The following ANK3 variants were observed in gnomAD, a reference collection of about 807,000 sequenced individuals.
The protein encoded by ANK3 is ankyrin-3.
ANK3 carries 57 observed loss-of-function variants against 370.9 expected under a neutral mutation model. The observed-to-expected ratio is 0.15, with a 90% CI of 0.12 to 0.19. The LOEUF is 0.19. ANK3 is among the 10% of genes least tolerant of loss of function. ANK3 has a pLI of 1.00. For synonymous variants in ANK3, 1,929 were observed against 1,946.3 expected, an observed-to-expected ratio of 0.99 and a Z score of 0.23; for missense variants, 4,439 against 5,302.1, an observed-to-expected ratio of 0.84 and a Z score of 5.06.
chr10:60,269,164 G>A (rs1431809331), intron 5 of ANK3, among the ~76,000 whole-genome samples: 1 of 152,106 alleles, frequency 6.6e-6, no homozygotes, highest in Admixed American at 6.5e-5. Context: ...TTTATTATTA[G>A]CAATAGATAT....
chr10:60,065,614 A>C (rs1397727422), intron 38 of ANK3, among the ~76,000 whole-genome samples: 2 of 152,212 alleles, frequency 1.3e-5, no homozygotes, highest in African/African-American at 2.4e-5. Flanking sequence ...CATGTTGAAC[A>C]AAAGGATAAG....
At chr10:60,149,576 T>A (rs2094994190) in intron 23 of ANK3, among the ~76,000 whole-genome samples, 1 of 152,228 alleles carries the variant, frequency 6.6e-6, no homozygotes, top group African/African-American at 2.4e-5. Flanking sequence ...CTATCATAGC[T>A]TCTTGGAGGA....
intron 2 of ANK3, among the ~76,000 whole-genome samples, chr10:60,444,022 GA>G (rs1301865907): frequency 6.6e-6 from 1 of 151,934 alleles, no homozygotes; most frequent in African/African-American, 2.4e-5. Context: ...CGCTTATGCA[GA>G]TTTTTTTAGG....
intron 41 of ANK3, among the ~76,000 whole-genome samples, chr10:60,057,733 A>C (rs1049447020): frequency 7.9e-5 from 12 of 152,210 alleles, no homozygotes; most frequent in Non-Finnish European, 5.9e-5. Flanking sequence ...AGCCTATATA[A>C]AACAAGGAAT....
intron 2 of ANK3, among the ~76,000 whole-genome samples, chr10:60,556,302 A>AT (rs1004766508): frequency 3.6e-4 from 54 of 150,816 alleles, no homozygotes; most frequent in South Asian, 3.2e-3. Context: ...CCTGCTGTAA[A>AT]TTTTTTTTTT....
intron 1 of ANK3, among the ~76,000 whole-genome samples, chr10:60,367,643 T>C (rs950691183): frequency 6.6e-6 from 1 of 152,196 alleles, no homozygotes; most frequent in African/African-American, 2.4e-5. Flanking sequence ...GTTTTCCTTC[T>C]GAAGGTGATT....
chr10:60,360,832 G>A (rs1466113557), intron 1 of ANK3, among the ~76,000 whole-genome samples: 3 of 151,800 alleles, frequency 2.0e-5, no homozygotes, highest in East Asian at 1.9e-4. Context: ...AAATCTAATC[G>A]TGTAAAACCC....
intron 2 of ANK3, among the ~76,000 whole-genome samples, chr10:60,455,203 A>G (rs569105645): frequency 6.6e-6 from 1 of 152,338 alleles, no homozygotes; most frequent in Admixed American, 6.5e-5. Flanking sequence ...AGTGAGAATA[A>G]TAAGGTTGCT....
At chr10:60,359,536 A>G (rs1047410288) in intron 1 of ANK3, among the ~76,000 whole-genome samples, 28 of 152,194 alleles carry the variant, frequency 1.8e-4, no homozygotes, top group African/African-American at 6.3e-4. Flanking sequence ...CATTTGTCAC[A>G]TGTATTCTTA....
At chr10:60,555,204 G>T (rs1290802538) in intron 2 of ANK3, among the ~76,000 whole-genome samples, 1 of 152,152 alleles carries the variant, frequency 6.6e-6, no homozygotes, top group Non-Finnish European at 1.5e-5. Context: ...AGGCATAGTG[G>T]CTCACACCCA....
intron 5 of ANK3, among the ~76,000 whole-genome samples, chr10:60,267,101 T>A (rs181652144): frequency 1.4e-4 from 22 of 152,300 alleles, no homozygotes; most frequent in Admixed American, 1.2e-3. Context: ...CCAGGCTTAC[T>A]GAAAAAAATA....
intron 2 of ANK3, among the ~76,000 whole-genome samples, chr10:60,537,141 A>T (rs1567128085): frequency 6.6e-6 from 1 of 152,076 alleles, no homozygotes; most frequent in East Asian, 1.9e-4. Context: ...GGAGGATTTT[A>T]AATTCCACAT....
chr10:60,508,994 T>G (rs1200517753), intron 2 of ANK3, among the ~76,000 whole-genome samples: 1 of 152,116 alleles, frequency 6.6e-6, no homozygotes, highest in Non-Finnish European at 1.5e-5. Flanking sequence ...GCTGGATCAG[T>G]TGCAACTCTT....
At chr10:60,061,816 TA>T (rs1460694386) in intron 40 of ANK3, 1 of 152,164 alleles carries the variant, frequency 6.6e-6, no homozygotes, top group East Asian at 1.9e-4. Context: ...CTAAGAATTT[TA>T]AGATTTTTTC....
At chr10:60,263,744 A>C in intron 6 of ANK3, 91 bp downstream of exon 6, 1 of 1,438,300 alleles carries the variant, frequency 7.0e-7, no homozygotes, top group Non-Finnish European at 9.6e-7. Context: ...GGCATGGCAT[A>C]AGCTTGCGAA....
At chr10:60,725,790 C>T (rs909572537) in intron 1 of ANK3, among the ~76,000 whole-genome samples, 47 of 152,050 alleles carry the variant, frequency 3.1e-4, no homozygotes, top group African/African-American at 1.1e-3. Context: ...TAACTATTGT[C>T]CCCCCATCCC....
intron 1 of ANK3, among the ~76,000 whole-genome samples, chr10:60,316,277 T>A (rs764193905): frequency 6.6e-6 from 1 of 152,110 alleles, no homozygotes; most frequent in Non-Finnish European, 1.5e-5. Context: ...AAATGCTAGG[T>A]AAATGTATGA....
At chr10:60,041,961 AG>A (rs58134430) in intron 43 of ANK3, among the ~76,000 whole-genome samples, 105,247 of 151,780 alleles carry the variant, frequency 0.69, 36,563 homozygotes, top group East Asian at 0.78. Flanking sequence ...GGTGAACTAA[AG>A]GAAGTGATTT....
chr10:60,671,245 A>C (rs1480877720), intron 1 of ANK3, among the ~76,000 whole-genome samples: 1 of 152,134 alleles, frequency 6.6e-6, no homozygotes, highest in Non-Finnish European at 1.5e-5. Context: ...CCTGTCCCTC[A>C]CCATCCTCTC....
Sources: allele counts gnomAD v4.1 joint callset (sites outside exome capture counted in the v4.1 genomes callset), GRCh38; gene constraint gnomAD v4.1.1; transcripts MANE v1.5; gene names NCBI Gene and HGNC (gene_info 2026-07-23, HGNC 2026-07-21).